Variants in DGKZ observed in about 807,000 individuals in gnomAD.
DGKZ encodes diacylglycerol kinase zeta.
DGKZ carries 45 observed loss-of-function variants against 142.5 expected under a neutral mutation model. The ratio of observed to expected loss-of-function variants is 0.32; its 90% CI spans 0.25 to 0.40. The LOEUF is 0.40. Ranked by LOEUF, DGKZ falls within the 10% of genes least tolerant of loss-of-function variation. The pLI is 1.00. For missense variants in DGKZ, 755 were observed against 1,306.5 expected (o/e 0.58, Z 6.51); for synonymous variants, 442 against 527.0 (o/e 0.84, Z 2.21).
Position 46,355,380 on chromosome 11 carries a change from T to C in DGKZ, c.161+7560T>C, listed in dbSNP as rs535186902. Among the ~76,000 whole-genome samples the C allele has an allele frequency of 2.6e-5, 4 of 152,204 alleles. No individual in the cohort carries two copies. In the South Asian group the frequency reaches 6.2e-4, roughly 24 times the overall value. On this transcript the variant is annotated intron_variant, in intron 1 of 30. Coordinates refer to ENST00000527911, the Ensembl canonical transcript of DGKZ. ...GCCTCAGCCTCCCAAAGTGCTGGGA[T>C]TACAGGCATGAGCCACCGCGCCCGG...
In DGKZ at chr11:46,347,570, G is replaced by T. The variant is rs546053493; in HGVS notation, c.-90G>T. 10 of 1,069,260 alleles carry T rather than the reference G, an allele frequency of 9.4e-6. No homozygotes were observed. The South Asian group carries it at 4.0e-4, about 42-fold the overall frequency. The allele number at this position is 1,069,260 out of a possible 1,614,324, so 66.2% of individuals were successfully genotyped here. The stretch of plus-strand genomic sequence containing the variant: ...AGCGAGCGCGCGCCATGGAGGTGGC[G>T]GGCGGCGCGGAGCGGGCGTGCTGAG... On this transcript the variant is annotated 5_prime_UTR_variant, in exon 1 of 31. Transcript: ENST00000527911. This position sits in a 1 kb window ranked among gnomAD's most constrained non-coding sequence, Gnocchi z 6.4.
At chr11:46,349,180 G>A (rs1003427118) in intron 1 of DGKZ, among the ~76,000 whole-genome samples, 3 of 152,234 alleles carry the variant, frequency 2.0e-5, no homozygotes, top group Non-Finnish European at 4.4e-5. Context: ...ATGGAGCTCC[G>A]TGGGCTCCTG....
intron 1 of DGKZ, among the ~76,000 whole-genome samples, chr11:46,352,299 C>T (rs1323999175): frequency 2.6e-5 from 4 of 152,232 alleles, no homozygotes; most frequent in Non-Finnish European, 4.4e-5. Context: ...TCTGGAGCGA[C>T]ACAAGGGGGC....
chr11:46,377,636 GCTTCTTTCT>G (rs1279104929), intron 25 of DGKZ: 2 of 229,872 alleles, frequency 8.7e-6, no homozygotes, highest in Non-Finnish European at 1.7e-5. Flanking sequence ...CAACCTAGAA[GCTTCTTTCT>G]CAGCAGCCCT....
intron 1 of DGKZ, chr11:46,366,525 A>G: frequency 6.3e-7 from 1 of 1,595,430 alleles, no homozygotes; most frequent in East Asian, 2.3e-5. Flanking sequence ...ATCGTGGATA[A>G]GGTGCTCACT....
Position 46,367,985 on chromosome 11 carries a change from C to G in DGKZ, c.367-17C>G, listed in dbSNP as rs767670081. 6.2e-7 allele frequency: 1 copy of G among 1,613,844 alleles called. No individual in the cohort carries two copies. Among genetic ancestry groups the G allele is most frequent in the Non-Finnish European group, 8.5e-7 (1 of 1,179,962 alleles). On this transcript the variant is annotated splice_polypyrimidine_tract_variant and intron_variant, in intron 3 of 30. Coordinates refer to ENST00000527911, the Ensembl canonical transcript of DGKZ. This position sits in a 1 kb window ranked among gnomAD's most constrained non-coding sequence, Gnocchi z 4.1. ...ACTTACCTGGTGCCTCAGGGGCCCTCTCTTCCTGTCCTGCAGCAGAAGTCA... is the reference window on the plus strand; with the variant it reads ...ACTTACCTGGTGCCTCAGGGGCCCTGTCTTCCTGTCCTGCAGCAGAAGTCA...
intron 1 of DGKZ, chr11:46,333,574 G>A: frequency 1.6e-6 from 2 of 1,260,136 alleles, no homozygotes; most frequent in Non-Finnish European, 1.1e-6. Context: ...TTGTGCGCCC[G>A]CCGCCTGCCT....
intron 1 of DGKZ, among the ~76,000 whole-genome samples, chr11:46,339,795 C>T (rs147666686): frequency 0.017 from 2,638 of 152,306 alleles, 27 homozygotes; most frequent in Non-Finnish European, 0.028. Context: ...CTCATTTTTG[C>T]CTCAGTTGGT....
At chr11:46,342,859 C>A (rs972481096), upstream of DGKZ, among the ~76,000 whole-genome samples, 2 of 152,222 alleles carry the variant, frequency 1.3e-5, no homozygotes, top group Non-Finnish European at 2.9e-5. Context: ...TGCGGTGGCT[C>A]ATGCCTGTAA....
intron 1 of DGKZ, among the ~76,000 whole-genome samples, chr11:46,352,021 CT>C (rs1189712219): frequency 1.3e-5 from 2 of 152,190 alleles, no homozygotes; most frequent in African/African-American, 4.8e-5. Flanking sequence ...TAAGTGACCC[CT>C]GGTGAGAGAA....
At position 46,369,934 on chromosome 11, in the gene DGKZ, C is replaced by T. The variant is rs1197696796; in HGVS notation, c.502-7C>T. 6.2e-7 allele frequency: 1 copy of T among 1,613,906 alleles called. No individual in the cohort carries two copies. Among genetic ancestry groups the T allele is most frequent in the Non-Finnish European group, 8.5e-7 (1 of 1,180,016 alleles). ...CACCCAGTGAAATTTTTCCCCTTCT[C>T]CCCCAGCCAACCTTTGTACGGCACC... On this transcript the variant is annotated splice_polypyrimidine_tract_variant and splice_region_variant and intron_variant, in intron 5 of 30. Coordinates refer to ENST00000527911, the Ensembl canonical transcript of DGKZ.
intron 1 of DGKZ, among the ~76,000 whole-genome samples, chr11:46,357,307 C>T (rs1942141711): frequency 6.6e-6 from 1 of 152,078 alleles, no homozygotes; most frequent in South Asian, 2.1e-4. Flanking sequence ...GTCACCAAAC[C>T]GACTATCTAG....
In DGKZ at chr11:46,372,716, G is replaced by A; in HGVS notation, c.1071+39G>A. The A allele has an allele frequency of 1.2e-6, 2 of 1,612,042 alleles. No homozygotes were observed. The highest frequency in any genetic ancestry group is 1.7e-6 in the Non-Finnish European group (2 of 1,179,242). On this transcript the variant is annotated intron_variant, in intron 12 of 30. Coordinates refer to ENST00000527911, the Ensembl canonical transcript of DGKZ. This position sits in a 1 kb window ranked among gnomAD's most constrained non-coding sequence, Gnocchi z 5.9. ...ATGGGCCAGCCGAGCACCAGGGCTG[G>A]GCCTGAAGCCGGGGTCCCTGTGGGC...
At chr11:46,348,365 T>G (rs1281106633) in intron 1 of DGKZ, among the ~76,000 whole-genome samples, 1 of 152,214 alleles carries the variant, frequency 6.6e-6, no homozygotes. Context: ...CCCCAAGCTC[T>G]GGTCACTGGT....
At chr11:46,376,734 C>A in intron 24 of DGKZ, 170 bp downstream of exon 24, 1 of 920,966 alleles carries the variant, frequency 1.1e-6, no homozygotes, top group Non-Finnish European at 1.6e-6. Flanking sequence ...CTGCCCTCCA[C>A]ACTGGAGAGT....
At chr11:46,355,849 C>T (rs551998126) in intron 1 of DGKZ, among the ~76,000 whole-genome samples, 1 of 151,998 alleles carries the variant, frequency 6.6e-6, no homozygotes, top group African/African-American at 2.4e-5. Context: ...GAGGTTCAAG[C>T]GATTCACCTG....
intron 1 of DGKZ, chr11:46,366,719 C>T (rs1273219617): frequency 6.4e-7 from 1 of 1,555,604 alleles, no homozygotes; most frequent in African/African-American, 1.4e-5. Context: ...GCTGTTGCCC[C>T]TACCCCGCTA....
upstream of DGKZ, chr11:46,345,687 A>C: frequency 1.7e-6 from 2 of 1,198,948 alleles, no homozygotes; most frequent in Non-Finnish European, 2.3e-6. This position sits in a 1 kb window ranked among gnomAD's most constrained non-coding sequence, Gnocchi z 4.1. Flanking sequence ...CCCATCTGTC[A>C]TCCAGCACTC....
chr11:46,368,673 C>G (rs1266573716), intron 4 of DGKZ: 4 of 193,916 alleles, frequency 2.1e-5, no homozygotes, highest in Non-Finnish European at 4.4e-5. Flanking sequence ...GCTGCTTTCC[C>G]CAGCCTCTGA....
Sources: allele counts gnomAD v4.1 joint callset (sites outside exome capture counted in the v4.1 genomes callset), GRCh38; gene constraint gnomAD v4.1.1; non-coding constraint Gnocchi (gnomAD v3.1); transcripts MANE v1.5; gene names NCBI Gene and HGNC (gene_info 2026-07-23, HGNC 2026-07-21).